CLCN7: variants seen among roughly 807,000 people sequenced by gnomAD.
The protein encoded by CLCN7 is Cl-/H+ antiporter 7.
In CLCN7, 60 loss-of-function variants were observed where a neutral mutation model predicts 102.1. That is an observed-to-expected ratio of 0.59 (90% CI 0.48 to 0.73). The LOEUF (loss-of-function observed/expected upper bound fraction) is 0.73, where lower values mean the gene tolerates loss of function less well. CLCN7 is among the 30% of genes least tolerant of loss of function. The pLI is 0.00. For synonymous variants in CLCN7, 560 were observed against 490.5 expected (o/e 1.14, Z -1.87); for missense variants, 962 against 1,125.7 (o/e 0.85, Z 2.08).
intron 1 of CLCN7, among the ~76,000 whole-genome samples, chr16:1,470,207 G>C (rs909690927): frequency 6.6e-6 from 1 of 152,256 alleles, no homozygotes; most frequent in African/African-American, 2.4e-5. Flanking sequence ...ATGTTGCCCA[G>C]GCTGGTCTCT....
chr16:1,452,991 C>A, intron 14 of CLCN7, 98 bp from the exon 15 acceptor site: 1 of 1,485,324 alleles, frequency 6.7e-7, no homozygotes, highest in South Asian at 1.2e-5. Flanking sequence ...GACACTGGGC[C>A]CGTGGTGCTT....
intron 1 of CLCN7, among the ~76,000 whole-genome samples, chr16:1,473,992 G>T (rs985781823): frequency 1.9e-4 from 29 of 152,058 alleles, no homozygotes; most frequent in African/African-American, 6.3e-4. Flanking sequence ...GCTGAGGCAG[G>T]AGAGTCACTT....
At chr16:1,458,784 C>T (rs943489492) in intron 7 of CLCN7, among the ~76,000 whole-genome samples, 1 of 152,236 alleles carries the variant, frequency 6.6e-6, no homozygotes, top group African/African-American at 2.4e-5. Context: ...CCCACTACCA[C>T]GACAGCTTCC....
rs775081376 is a variant in CLCN7, at chr16:1,446,250, C to T, written c.*381G>A. On this transcript the variant is annotated 3_prime_UTR_variant, in exon 25 of 25. Transcript: ENST00000382745. ...CAGGGCAGGGCAGCCCTCGGGGCAG[C>T]AGCAGGGGCAAGGGCTCTGTCTCAC... The T allele has an allele frequency of 1.5e-5, 10 of 673,382 alleles. No homozygotes were observed. The highest frequency in any genetic ancestry group is 1.4e-4 in the South Asian group (9 of 62,498). The allele number at this position is 673,382 out of a possible 1,614,324, so 41.7% of individuals were successfully genotyped here. A position where few individuals can be genotyped will look rare whatever the true frequency, so the allele number is the denominator to read the frequency against.
chr16:1,454,457 G>A lies in CLCN7; in HGVS notation c.1107C>T (p.Ala369=), dbSNP rs758950212. ...NFGRFDSEKM[A]YTIHEIPVFI... ...AGACCGGGATCTCGTGGATCGTGTA[G>A]GCCATTTTCTGTGCAGAGAGAGGGA... The change falls in exon 13 of 25, where the codon GCC becomes GCT. Residue 369 remains alanine, a synonymous_variant. Transcript: ENST00000382745. 4.3e-6 allele frequency: 7 copies of A among 1,613,588 alleles called. No homozygotes were observed. The African/African-American group carries it at 6.7e-5, about 15-fold the overall frequency.
At chr16:1,462,861 C>T (rs900566532) in intron 2 of CLCN7, among the ~76,000 whole-genome samples, 2 of 152,024 alleles carry the variant, frequency 1.3e-5, no homozygotes, top group Non-Finnish European at 2.9e-5. Flanking sequence ...TGGATTTCCA[C>T]ATGCAAAAAT....
intron 1 of CLCN7, among the ~76,000 whole-genome samples, chr16:1,467,141 C>A (rs890627460): frequency 9.9e-5 from 15 of 152,132 alleles, no homozygotes; most frequent in African/African-American, 3.4e-4. Context: ...TCCTCCTCTC[C>A]CCAGGCAAAG....
rs74002257 is a variant in CLCN7 at position 1,460,202 on chromosome 16, A to G, written c.594+216T>C. Reference sequence around the variant, plus strand: ...TGAGGGTGCCCAGGCCTGTGCTGGTAGGTCAGGAGCAGCACCCCAGGGCTC... The same window carrying G: ...TGAGGGTGCCCAGGCCTGTGCTGGTGGGTCAGGAGCAGCACCCCAGGGCTC... On this transcript the variant is annotated intron_variant, in intron 6 of 24. Coordinates refer to ENST00000382745, the MANE Select transcript of CLCN7 (RefSeq NM_001287.6). 0.13 allele frequency among the ~76,000 whole-genome samples: 19,843 copies of G among 151,496 alleles called. 1,418 individuals are homozygous for G. The highest frequency in any genetic ancestry group is 0.17 in the African/African-American group (6,876 of 41,232).
chr16:1,449,135 G>A (rs576331384), intron 18 of CLCN7, 42 bp from the exon 19 acceptor site: 1 of 1,611,310 alleles, frequency 6.2e-7, no homozygotes, highest in Non-Finnish European at 8.5e-7. Flanking sequence ...CACCCTCCTG[G>A]CTCAGGGTCA....
Position 1,447,542 on chromosome 16 carries a change from G to A in CLCN7, c.2100C>T (p.Gly700=), listed in dbSNP as rs1395288327. The change falls in exon 23 of 25, where the codon GGC becomes GGT. Residue 700 remains glycine, a synonymous_variant. Coordinates refer to ENST00000382745, the MANE Select transcript of CLCN7 (RefSeq NM_001287.6). ...HKVFVERSNL[G]LVQRRLRLKD... The stretch of plus-strand genomic sequence containing the variant: ...TCAGCCTCAGGCGCCGCTGTACCAG[G>A]CCCAGGTTGGACCGCTCCACAAACA... 18 of 1,556,150 alleles carry A rather than the reference G, an allele frequency of 1.2e-5. No homozygotes were observed. The East Asian group carries it at 4.4e-4, about 38-fold the overall frequency.
At chr16:1,468,965 C>T (rs1212699410) in intron 1 of CLCN7, among the ~76,000 whole-genome samples, 2 of 150,292 alleles carry the variant, frequency 1.3e-5, no homozygotes, top group Non-Finnish European at 2.9e-5. Flanking sequence ...CCAAGGCGGG[C>T]AGATCACCCG....
In CLCN7 at chr16:1,450,675, G is replaced by C. The variant is rs767439793; in HGVS notation, c.1448-9C>G. ...CAGGGGGTTGTAGGAGCCTAGGAGA[G>C]AAGAGGGGCTGACGGGGCCTCCACG... On this transcript the variant is annotated splice_polypyrimidine_tract_variant and intron_variant, in intron 16 of 24. Coordinates refer to ENST00000382745, the MANE Select transcript of CLCN7 (RefSeq NM_001287.6). The C allele has an allele frequency of 6.3e-7, 1 of 1,599,596 alleles. No homozygotes were observed. Among genetic ancestry groups the C allele is most frequent in the African/African-American group, 1.4e-5 (1 of 73,680 alleles).
intron 6 of CLCN7, among the ~76,000 whole-genome samples, chr16:1,460,027 T>G (rs1031488966): frequency 1.3e-5 from 2 of 151,886 alleles, no homozygotes; most frequent in South Asian, 4.2e-4. Flanking sequence ...AGCACACACG[T>G]TGGGGCCCCA....
At chr16:1,454,015 T>G (rs2142376565) in intron 13 of CLCN7, 121 bp from the exon 14 acceptor site, 4 of 894,552 alleles carry the variant, frequency 4.5e-6, no homozygotes, top group Non-Finnish European at 5.5e-6. Context: ...GGCAGGGGGC[T>G]AGGGGGTCCT....
chr16:1,454,034 G>T, intron 13 of CLCN7, 140 bp from the exon 14 acceptor site: 1 of 789,782 alleles, frequency 1.3e-6, no homozygotes, highest in Non-Finnish European at 2.2e-6. Flanking sequence ...CTGGTAAGAT[G>T]CTTCCTCCAC....
At position 1,447,099 on chromosome 16, in the gene CLCN7, C is replaced by A. The variant is rs1404744732; in HGVS notation, c.2251-13G>T. On this transcript the variant is annotated splice_polypyrimidine_tract_variant and intron_variant, in intron 23 of 24. Coordinates refer to ENST00000382745, the MANE Select transcript of CLCN7 (RefSeq NM_001287.6). ...GGAGCGACGCCTCCTGCAGCAGGGG[C>A]ACAGCTGTCAGTGCCCGCCCACACA... 19 of 1,587,216 alleles carry A rather than the reference C, an allele frequency of 1.2e-5. No individual in the cohort carries two copies. The highest frequency in any genetic ancestry group is 1.5e-5 in the Non-Finnish European group (18 of 1,172,432).
At chr16:1,448,588 GC>G in intron 20 of CLCN7, 92 bp downstream of exon 20, 1 of 1,599,802 alleles carries the variant, frequency 6.3e-7, no homozygotes, top group East Asian at 2.2e-5. Flanking sequence ...GAAACGCGGG[GC>G]TGCCTGGAGC....
rs2038632193 is a variant in CLCN7, at chr16:1,445,947, TTCTCAGC to T, written c.*677_*683del. 3.5e-6 allele frequency: 1 copy of T among 283,440 alleles called. No individual in the cohort carries two copies. The highest frequency in any genetic ancestry group is 6.6e-6 in the Non-Finnish European group (1 of 151,588). 17.6% of individuals were successfully genotyped at this position (283,440 alleles called of 1,614,324 possible). On this transcript the variant is annotated 3_prime_UTR_variant, in exon 25 of 25. Transcript: ENST00000382745. ...ATGGGGCTCAGGGCCTTGGAGGTTT[TTCTCAGC>T]TCTCAACATCACAGCACAGGGCCCG...
In CLCN7 at chr16:1,450,626, G is replaced by T. The variant is rs1346072179; in HGVS notation, c.1488C>A (p.Val496=). ...AGGTCCAGCAGGCCAGGAAGAAGTA[G>T]ACCAGCGTGAACAGGCCGAGGGTCA... ...NPLTLGLFTL[V]YFFLACWTYG... is the part of the protein sequence containing the mutation. The change falls in exon 17 of 25, where the codon GTC becomes GTA. Residue 496 remains valine, a synonymous_variant. Coordinates refer to ENST00000382745, the MANE Select transcript of CLCN7 (RefSeq NM_001287.6). The T allele has an allele frequency of 1.9e-6, 3 of 1,612,650 alleles. No individual in the cohort carries two copies. Among genetic ancestry groups the T allele is most frequent in the East Asian group, 4.5e-5 (2 of 44,856 alleles).
Sources: allele counts gnomAD v4.1 joint callset (sites outside exome capture counted in the v4.1 genomes callset), GRCh38; gene constraint gnomAD v4.1.1; transcripts MANE v1.5; gene names NCBI Gene and HGNC (gene_info 2026-07-23, HGNC 2026-07-21).